GAK: variants seen among roughly 807,000 people sequenced by gnomAD.
GAK encodes cyclin G associated kinase, also known as cyclin-G-associated kinase.
In GAK, 79 loss-of-function variants were observed where a neutral mutation model predicts 143.9. The ratio of observed to expected loss-of-function variants is 0.55; its 90% CI spans 0.46 to 0.66. The LOEUF is 0.66. Ranked by LOEUF, GAK falls within the 30% of genes least tolerant of loss-of-function variation. GAK has a pLI of 0.00. For synonymous variants in GAK, 881 were observed against 765.5 expected (o/e 1.15, Z -2.49); for missense variants, 1,693 against 1,779.7 (o/e 0.95, Z 0.88).
chr4:929,666 G>C (rs554412690), intron 1 of GAK, among the ~76,000 whole-genome samples: 1 of 147,908 alleles, frequency 6.8e-6, no homozygotes, highest in African/African-American at 2.5e-5. Context: ...CTGAGTAACA[G>C]CAAGACCTCG....
In GAK at chr4:888,957, C is replaced by A; in HGVS notation, c.1095G>T (p.Ala365=). 1 of 1,611,280 alleles carries A rather than the reference C, an allele frequency of 6.2e-7. No homozygotes were observed. Residue 365 remains alanine, a synonymous_variant, in exon 11 of 28, where the codon GCG becomes GCT. Coordinates refer to ENST00000314167, the MANE Select transcript of GAK (RefSeq NM_005255.4). ...GSGYSGGLAL[A]EYDQPYGGFL... ...AGCCGCCATACGGCTGGTCGTACTC[C>A]GCCAGCGCCAGGCCTGCAGGGAGAC...
At chr4:918,732 G>A (rs565411279) in intron 1 of GAK, among the ~76,000 whole-genome samples, 1 of 152,304 alleles carries the variant, frequency 6.6e-6, no homozygotes, top group South Asian at 2.1e-4. Context: ...TGCCATGACT[G>A]GAAAGACAGA....
Position 884,023 on chromosome 4 carries a change from TGTG to T in GAK, c.1255+11_1255+13del, listed in dbSNP as rs1560352970. ...GGCCGGGGCGCGTCCCACAGCCTCA[TGTG>T]GCACGCATACCTGCAATTCTGGATG... On this transcript the variant is annotated intron_variant, in intron 12 of 27. Transcript: ENST00000314167. 6.2e-7 allele frequency: 1 copy of T among 1,612,754 alleles called. No homozygotes were observed. Among genetic ancestry groups the T allele is most frequent in the African/African-American group, 1.3e-5 (1 of 75,058 alleles).
chr4:880,401 T>G (rs1310276343), intron 15 of GAK, among the ~76,000 whole-genome samples: 1 of 152,158 alleles, frequency 6.6e-6, no homozygotes, highest in Non-Finnish European at 1.5e-5. Context: ...AGTCACAGAG[T>G]GCAGCTCTTT....
intron 11 of GAK, chr4:888,471 A>C (rs1389557693): frequency 4.7e-6 from 1 of 213,832 alleles, no homozygotes; most frequent in Non-Finnish European, 9.4e-6. Context: ...AAGTCTGAGT[A>C]ACTAGGGCTT....
chr4:856,453 C>T (rs949791879), intron 24 of GAK, among the ~76,000 whole-genome samples: 7 of 149,254 alleles, frequency 4.7e-5, no homozygotes, highest in Non-Finnish European at 7.4e-5. Flanking sequence ...CTGCTCACTA[C>T]AGCTGCTCAC....
At chr4:920,692 C>T (rs1723794817) in intron 1 of GAK, among the ~76,000 whole-genome samples, 1 of 151,588 alleles carries the variant, frequency 6.6e-6, no homozygotes, top group South Asian at 2.1e-4. Flanking sequence ...TACAGGCGCC[C>T]ACCACCACGC....
chr4:849,678 A>G lies in GAK; in HGVS notation c.3931T>C (p.Phe1311Leu). The change falls in exon 28 of 28, where the codon TTC becomes CTC. Residue 1311 changes from phenylalanine (F) to leucine (L), a missense_variant. Phe to Leu is a conservative substitution (Grantham distance 22, BLOSUM62 0). Transcript: ENST00000314167. ...CAGCCACCACCACTGCGGCCTCAGA[A>G]GAGGGGCCGGGAGCCCTGGTTCTCA... ...EFENQGSRPL[F>L] is the part of the protein sequence containing the mutation. 2 of 1,611,096 alleles carry G rather than the reference A, an allele frequency of 1.2e-6. No homozygotes were observed. The highest frequency in any genetic ancestry group is 1.7e-6 in the Non-Finnish European group (2 of 1,178,122).
intron 10 of GAK, among the ~76,000 whole-genome samples, 155 bp from the exon 11 acceptor site, chr4:889,125 C>T (rs545993632): frequency 1.3e-5 from 2 of 152,288 alleles, no homozygotes; most frequent in South Asian, 4.1e-4. Context: ...TGGGCCCAGG[C>T]AGCAGGAGCA....
chr4:875,927 C>T (rs78590562), intron 18 of GAK, among the ~76,000 whole-genome samples: 12,892 of 152,180 alleles, frequency 0.085, 755 homozygotes, highest in South Asian at 0.18. Flanking sequence ...GGCGTTAGAG[C>T]GAGACTCTGT....
At chr4:859,551 A>C in intron 24 of GAK, 55 bp downstream of exon 24, 1 of 1,588,086 alleles carries the variant, frequency 6.3e-7, no homozygotes, top group Middle Eastern at 1.7e-4. Flanking sequence ...ATAGACGAGA[A>C]TAAACCTCCT....
chr4:876,670 G>A, intron 17 of GAK, 61 bp from the exon 18 acceptor site: 1 of 1,488,938 alleles, frequency 6.7e-7, no homozygotes, highest in Admixed American at 1.7e-5. Context: ...TGGGGCCACA[G>A]GCCAATTTTT....
In GAK at chr4:877,797, G is replaced by A; in HGVS notation, c.1674C>T (p.Tyr558=). The A allele has an allele frequency of 1.9e-6, 3 of 1,598,984 alleles. No homozygotes were observed. Among genetic ancestry groups the A allele is most frequent in the Non-Finnish European group, 1.7e-6 (2 of 1,171,646 alleles). Residue 558 remains tyrosine (Y), a synonymous_variant, in exon 16 of 28, where the codon TAC becomes TAT. Coordinates refer to ENST00000314167, the MANE Select transcript of GAK (RefSeq NM_005255.4). ...GCTCCTCCGCCACCATGTCACACAT[G>A]TACTCGATGTACCTGGGGGCAGACG... The part of the protein sequence containing the change: ...IWPSHKRYIE[Y]MCDMVAEEPI...
chr4:905,173 C>T (rs1254781747), intron 4 of GAK, among the ~76,000 whole-genome samples: 1 of 152,190 alleles, frequency 6.6e-6, no homozygotes, highest in Non-Finnish European at 1.5e-5. Context: ...TATTTGGACC[C>T]GAGAAGATTC....
intron 18 of GAK, among the ~76,000 whole-genome samples, chr4:874,264 G>A (rs749375351): frequency 5.3e-5 from 8 of 152,186 alleles, no homozygotes; most frequent in Non-Finnish European, 8.8e-5. Flanking sequence ...CCCACAGGAC[G>A]TTAGTATTGG....
rs1204747944 is a variant in GAK, at chr4:867,205, C to T, written c.2623G>A (p.Val875Met). 1.9e-6 allele frequency: 3 copies of T among 1,611,434 alleles called. No individual in the cohort carries two copies. Among genetic ancestry groups the T allele is most frequent in the African/African-American group, 2.7e-5 (2 of 74,900 alleles). ...VETPAVLPEP[V>M]PQEDGVDLLG... The stretch of plus-strand genomic sequence containing the variant: ...AGGTCGACCCCGTCTTCCTGTGGCA[C>T]AGGCTCTGGCAGCACAGCCGGTGTC... The change falls in exon 21 of 28, where the codon GTG (valine) becomes ATG (methionine). Residue 875 changes from valine to methionine, a missense_variant. This residue lies in a region of GAK where 822 missense variants were observed against 788.7 expected (regional missense o/e 1.04). Coordinates refer to ENST00000314167, the MANE Select transcript of GAK (RefSeq NM_005255.4).
rs986785349 is a variant in GAK, at chr4:932,237, C to T, written c.-50G>A. ...GGCAGCCGGAGTGGTCGGGCTCGGG[C>T]TCCCGCTCCCTCGCCGTCCGGGTCA... On this transcript the variant is annotated 5_prime_UTR_variant, in exon 1 of 28. Coordinates refer to ENST00000314167, the MANE Select transcript of GAK (RefSeq NM_005255.4). This position sits in a 1 kb window ranked among gnomAD's most constrained non-coding sequence, Gnocchi z 4.0. 4.7e-6 allele frequency: 7 copies of T among 1,474,164 alleles called. No homozygotes were observed. The African/African-American group carries it at 8.8e-5, about 19-fold the overall frequency. The allele number at this position is 1,474,164 out of a possible 1,614,324, so 91.3% of individuals were successfully genotyped here.
intron 5 of GAK, among the ~76,000 whole-genome samples, chr4:900,000 G>A (rs1719550698): frequency 6.6e-6 from 1 of 152,264 alleles, no homozygotes; most frequent in African/African-American, 2.4e-5. Flanking sequence ...TGCAGAGCGT[G>A]GGGCGAGGCT....
chr4:894,233 G>A (rs78256167), intron 7 of GAK: 8,000 of 495,026 alleles, frequency 0.016, 139 homozygotes, highest in South Asian at 0.031. Flanking sequence ...GGAACAACAG[G>A]GGTGACACCC....
Sources: allele counts gnomAD v4.1 joint callset (sites outside exome capture counted in the v4.1 genomes callset), GRCh38; gene constraint gnomAD v4.1.1; regional missense constraint gnomAD v4.1.1; non-coding constraint Gnocchi (gnomAD v3.1); transcripts MANE v1.5; gene names NCBI Gene and HGNC (gene_info 2026-07-23, HGNC 2026-07-21).